Variants in ATM observed in about 807,000 individuals in gnomAD.
ATM encodes serine-protein kinase ATM.
ATM carries 308 observed loss-of-function variants against 387.0 expected under a neutral mutation model. The ratio of observed to expected loss-of-function variants is 0.80; its 90% CI spans 0.73 to 0.87. The LOEUF is 0.87. ATM is among the 40% of genes least tolerant of loss of function. The probability of loss-of-function intolerance (pLI) is 0.00; values close to 1 mark genes in which losing one functional copy is unlikely to be tolerated. For synonymous variants in ATM, 1,156 were observed against 1,187.3 expected (o/e 0.97, Z 0.54); for missense variants, 3,312 against 3,560.9 (o/e 0.93, Z 1.78).
chr11:108,288,501 C>CTT (rs35604622), intron 27 of ATM, among the ~76,000 whole-genome samples: 3,221 of 126,650 alleles, frequency 0.025, 90 homozygotes, highest in African/African-American at 0.074. Context: ...ATATGCTTTA[C>CTT]TTTTTTTTTT....
chr11:108,288,400 TATC>T (rs1359364920), intron 27 of ATM, among the ~76,000 whole-genome samples: 1 of 152,126 alleles, frequency 6.6e-6, no homozygotes, highest in Non-Finnish European at 1.5e-5. Flanking sequence ...TGTGCGTTAT[TATC>T]TGTACAATTT....
At position 108,289,641 on chromosome 11, in the gene ATM, G is replaced by A. The variant is rs2135760123; in HGVS notation, c.4276G>A (p.Ala1426Thr). ...AATTCTTCTTGCCATATGTGAGCAA[G>A]CAGCTGAAACAAATAATGTTTATAA... ...QKILLAICEQ[A>T]AETNNVYKKH... Residue 1426 changes from alanine to threonine, a missense_variant, in exon 29 of 63, where the codon GCA becomes ACA. Coordinates refer to ENST00000675843, the MANE Select transcript of ATM (RefSeq NM_000051.4). 6.2e-7 allele frequency: 1 copy of A among 1,610,674 alleles called. No individual in the cohort carries two copies. The highest frequency in any genetic ancestry group is 2.2e-5 in the East Asian group (1 of 44,798).
At chr11:108,260,871 G>T (rs1239414218) in intron 16 of ATM, among the ~76,000 whole-genome samples, 1 of 152,212 alleles carries the variant, frequency 6.6e-6, no homozygotes, top group Non-Finnish European at 1.5e-5. Context: ...GTCAAAGAAA[G>T]GGGGGACGGA....
Position 108,258,992 on chromosome 11 carries a change from C to A in ATM, c.2383C>A (p.Pro795Thr), listed in dbSNP as rs1060501651. The A allele has an allele frequency of 1.9e-6, 3 of 1,612,628 alleles. No individual in the cohort carries two copies. The highest frequency in any genetic ancestry group is 2.7e-5 in the African/African-American group (2 of 74,854). ...TTGTTTGTCTTAATTGCAGAAGAGT[C>A]CAAATAAGATTGCATCTGGCTTTTT... is the stretch of plus-strand genomic sequence containing the variant. Reference protein sequence around the residue: ...RCLSNCTKKSPNKIASGFFLR... With the variant: ...RCLSNCTKKSTNKIASGFFLR... The change falls in exon 16 of 63, where the codon CCA becomes ACA. Residue 795 changes from proline (P) to threonine (T), a missense_variant. Physicochemically the swap from Pro to Thr is conservative, Grantham distance 38 (BLOSUM62 -1). Around this residue, in one of 4 missense-constraint regions of ATM, gnomAD observed 1,791 missense variants for 1,804.5 expected, o/e 0.99. Coordinates refer to ENST00000675843, the MANE Select transcript of ATM (RefSeq NM_000051.4).
Position 108,262,296 on chromosome 11 carries a change from T to C in ATM, c.2466+3221T>C, listed in dbSNP as rs1487815014. On this transcript the variant is annotated intron_variant, in intron 16 of 62. Transcript: ENST00000675843. ...TAACAGCGGATCTCTCCGCAGAAAC[T>C]CTACAAGCCAGAAGAGAGTGGGGGC... is the stretch of plus-strand genomic sequence containing the variant. Among the ~76,000 whole-genome samples the C allele has an allele frequency of 3.9e-5, 6 of 152,116 alleles. No homozygotes were observed. In the East Asian group the frequency reaches 5.8e-4, roughly 15 times the overall value.
At position 108,244,131 on chromosome 11, in the gene ATM, CT is replaced by C. The variant is rs1565370014; in HGVS notation, c.662+18del. The C allele has an allele frequency of 6.2e-7, 1 of 1,613,338 alleles. No homozygotes were observed. On this transcript the variant is annotated intron_variant, in intron 6 of 62. Transcript: ENST00000675843. ...TTCAGTGTGCGAGGTAATCTAATCTCTTTTTCTTTTGTTTTGTATTGAAATA... is the reference window on the plus strand; with the variant it reads ...TTCAGTGTGCGAGGTAATCTAATCTCTTTTCTTTTGTTTTGTATTGAAATA...
intron 18 of ATM, 46 bp downstream of exon 18, chr11:108,268,655 G>T (rs374343554): frequency 2.2e-5 from 35 of 1,572,620 alleles, no homozygotes; most frequent in Non-Finnish European, 3.0e-5. Context: ...ATCTGATGTT[G>T]CTGACTAAAT....
rs786201519 is a variant in ATM, at chr11:108,249,079, G to A, written c.1212G>A (p.Gln404=). 8 of 1,613,984 alleles carry A rather than the reference G, an allele frequency of 5.0e-6. No homozygotes were observed. Among genetic ancestry groups the A allele is most frequent in the Non-Finnish European group, 6.8e-6 (8 of 1,179,970 alleles). ...EVIKDHLQKS[Q]NDFDLVPWLQ... ...TAAAAGATCACCTTCAGAAGTCACA[G>A]AATGATTTTGATCTTGTGCCTTGGT... Residue 404 remains glutamine, a synonymous_variant, in exon 9 of 63, where the codon CAG becomes CAA. Coordinates refer to ENST00000675843, the MANE Select transcript of ATM (RefSeq NM_000051.4).
At chr11:108,292,495 A>G in intron 29 of ATM, 124 bp from the exon 30 acceptor site, 1 of 1,186,856 alleles carries the variant, frequency 8.4e-7, no homozygotes, top group Non-Finnish European at 1.2e-6. Flanking sequence ...AAGCCATTAA[A>G]ATATTTATGT....
intron 56 of ATM, among the ~76,000 whole-genome samples, chr11:108,339,841 C>A (rs184164083): frequency 6.6e-6 from 1 of 152,206 alleles, no homozygotes; most frequent in Admixed American, 6.5e-5. Context: ...GATCAAGCAT[C>A]AGGGGTCACA....
chr11:108,279,454 T>C, intron 22 of ATM, 37 bp from the exon 23 acceptor site: 1 of 1,439,098 alleles, frequency 6.9e-7, no homozygotes, highest in South Asian at 1.2e-5. Flanking sequence ...GAAAATTATT[T>C]CACTTTTTGT....
At chr11:108,261,574 G>T (rs1463559155) in intron 16 of ATM, among the ~76,000 whole-genome samples, 1 of 151,424 alleles carries the variant, frequency 6.6e-6, no homozygotes, top group Non-Finnish European at 1.5e-5. Context: ...AAAGCAGAGC[G>T]CCTCTCCTCC....
At chr11:108,335,781 A>G in intron 55 of ATM, 64 bp from the exon 56 acceptor site, 1 of 1,343,094 alleles carries the variant, frequency 7.4e-7, no homozygotes, top group Non-Finnish European at 1.1e-6. Context: ...CTATTCTCAG[A>G]TGACTCTGTG....
chr11:108,274,249 A>T (rs1043077884), intron 22 of ATM, among the ~76,000 whole-genome samples: 14 of 149,602 alleles, frequency 9.4e-5, no homozygotes, highest in Non-Finnish European at 2.1e-4. Context: ...AGTCTATTTG[A>T]TTCTTCTCTC....
chr11:108,250,725 A>C lies in ATM; in HGVS notation c.1260A>C (p.Ile420=), dbSNP rs750468699. Residue 420 remains isoleucine (I), a synonymous_variant, in exon 10 of 63, where the codon ATA becomes ATC. Coordinates refer to ENST00000675843, the MANE Select transcript of ATM (RefSeq NM_000051.4). ...GGCTACAGATTGCAACCCAATTAATATCAAAGTATCCTGCAAGTTTACCTA... is the reference window on the plus strand; with the variant it reads ...GGCTACAGATTGCAACCCAATTAATCTCAAAGTATCCTGCAAGTTTACCTA... The part of the protein sequence containing the change: ...VPWLQIATQL[I]SKYPASLPNC... 6.2e-7 allele frequency: 1 copy of C among 1,605,092 alleles called. No individual in the cohort carries two copies. Among genetic ancestry groups the C allele is most frequent in the Non-Finnish European group, 8.5e-7 (1 of 1,179,152 alleles).
chr11:108,252,971 A>G, intron 12 of ATM, 59 bp downstream of exon 12: 1 of 1,448,140 alleles, frequency 6.9e-7, no homozygotes, highest in African/African-American at 1.4e-5. Flanking sequence ...TACAAAGATG[A>G]TAATTTTAGC....
intron 61 of ATM, among the ~76,000 whole-genome samples, chr11:108,360,565 G>A (rs1299384580): frequency 7.1e-6 from 1 of 141,442 alleles, no homozygotes; most frequent in Non-Finnish European, 1.5e-5. Flanking sequence ...CTGGCAAAAC[G>A]AATCCAGCAG....
At position 108,329,236 on chromosome 11, in the gene ATM, C is replaced by T; in HGVS notation, c.7305C>T (p.Asn2435=). ...TTAGGGAACATAAAATTCAGACAAACAGGTAACTAGGTTTCTACAAGTGAC... is the reference window on the plus strand; with the variant it reads ...TTAGGGAACATAAAATTCAGACAAATAGGTAACTAGGTTTCTACAAGTGAC... The part of the protein sequence containing the change: ...GLLREHKIQT[N]RYTVKVQREL... The change falls in exon 49 of 63, where the codon AAC becomes AAT. Residue 2435 remains asparagine, a splice_region_variant and synonymous_variant. Transcript: ENST00000675843. 1 of 1,610,942 alleles carries T rather than the reference C, an allele frequency of 6.2e-7. No individual in the cohort carries two copies. Among genetic ancestry groups the T allele is most frequent in the Non-Finnish European group, 8.5e-7 (1 of 1,177,424 alleles).
rs730881329 is a variant in ATM, at chr11:108,353,856, C to T, written c.8762C>T (p.Thr2921Met). 25 of 1,613,474 alleles carry T rather than the reference C, an allele frequency of 1.5e-5. No homozygotes were observed. The highest frequency in any genetic ancestry group is 1.9e-5 in the Non-Finnish European group (22 of 1,179,692). The change falls in exon 60 of 63, where the codon ACG becomes ATG. Residue 2921 changes from threonine (T) to methionine (M), a missense_variant. By Grantham distance (81) the Thr-to-Met change is moderately conservative (BLOSUM62 -1). Around this residue, in one of 4 missense-constraint regions of ATM, gnomAD observed 1,405 missense variants for 1,604.4 expected, o/e 0.88. Transcript: ENST00000675843. ...GATATTGTGGATGGCATGGGCATTA[C>T]GGGTGTTGAAGGTGTCTTCAGAAGG... ...TRDIVDGMGI[T>M]GVEGVFRRCC...
Sources: allele counts gnomAD v4.1 joint callset (sites outside exome capture counted in the v4.1 genomes callset), GRCh38; gene constraint gnomAD v4.1.1; regional missense constraint gnomAD v4.1.1; transcripts MANE v1.5; gene names NCBI Gene and HGNC (gene_info 2026-07-23, HGNC 2026-07-21).